PURG: variants seen among roughly 807,000 people sequenced by gnomAD.
PURG encodes purine-rich element-binding protein gamma.
PURG carries 3 observed loss-of-function variants against 24.3 expected under a neutral mutation model. The observed-to-expected ratio is 0.12, with a 90% confidence interval of 0.06 to 0.32. The LOEUF is 0.32. PURG is among the 10% of genes least tolerant of loss of function. The pLI is 1.00. For missense variants in PURG, 371 were observed against 439.1 expected (o/e 0.84, Z 1.39); for synonymous variants, 180 against 173.1 (o/e 1.04, Z -0.31).
At chr8:31,025,175 T>A (rs967299083) in intron 1 of PURG, among the ~76,000 whole-genome samples, 22 of 152,038 alleles carry the variant, frequency 1.4e-4, no homozygotes, top group Middle Eastern at 3.4e-3. Flanking sequence ...CAAAAGAACA[T>A]AAAGTTTGAA....
intron 1 of PURG, among the ~76,000 whole-genome samples, chr8:31,010,414 T>C (rs1159644581): frequency 6.6e-6 from 1 of 152,184 alleles, no homozygotes; most frequent in Non-Finnish European, 1.5e-5. Context: ...TGAGCACCAA[T>C]GAGTTGCTAG....
chr8:30,998,541 C>A (rs1042082703), intron 1 of PURG, among the ~76,000 whole-genome samples: 13 of 151,666 alleles, frequency 8.6e-5, no homozygotes, highest in African/African-American at 2.7e-4. Context: ...AATTAGCATT[C>A]TTTTGTAGTT....
At chr8:31,023,531 T>C (rs890135255) in intron 1 of PURG, among the ~76,000 whole-genome samples, 1 of 147,990 alleles carries the variant, frequency 6.8e-6, no homozygotes, top group African/African-American at 2.5e-5. Context: ...GGCGATAGAG[T>C]GAGACTGCAT....
intron 1 of PURG, among the ~76,000 whole-genome samples, chr8:31,014,833 C>T (rs1265135612): frequency 6.6e-6 from 1 of 152,136 alleles, no homozygotes; most frequent in Non-Finnish European, 1.5e-5. Flanking sequence ...AAATAAAATA[C>T]CAAACCAGCC....
At chr8:31,005,128 CCAAA>C (rs1810616058) in intron 1 of PURG, among the ~76,000 whole-genome samples, 2 of 151,994 alleles carry the variant, frequency 1.3e-5, no homozygotes, top group Admixed American at 1.3e-4. Context: ...GTGAAATAAG[CCAAA>C]CAGAGAAAAA....
chr8:31,003,389 A>ATTT (rs150119956), intron 1 of PURG, among the ~76,000 whole-genome samples: 1 of 150,180 alleles, frequency 6.7e-6, no homozygotes, highest in Non-Finnish European at 1.5e-5. Flanking sequence ...GGGTACCATT[A>ATTT]TTTTTTTTTT....
rs1314218794 is a variant in PURG at position 31,024,759 on chromosome 8, CAAGT to C, written c.864+7156_864+7159del. ...AAAGTAATCCTGACTTTAATCAGAT[CAAGT>C]AAGATAATCAGATTTATACCATTAT... On this transcript the variant is annotated intron_variant, in intron 1 of 1. Coordinates refer to the PURG transcript ENST00000339382. Among the ~76,000 whole-genome samples, 3 of 151,790 alleles carry C rather than the reference CAAGT, an allele frequency of 2.0e-5. 1 individual carries two copies. Among genetic ancestry groups the C allele is most frequent in the South Asian group, 4.2e-4 (2 of 4,806 alleles).
chr8:31,016,787 C>T (rs1460321518), intron 1 of PURG, among the ~76,000 whole-genome samples: 1 of 149,296 alleles, frequency 6.7e-6, no homozygotes, highest in African/African-American at 2.6e-5. Context: ...CACCTGCACA[C>T]TTGTGTTTGA....
Position 31,014,509 on chromosome 8 carries a change from A to G in PURG, c.864+17410T>C, listed in dbSNP as rs144060488. On this transcript the variant is annotated intron_variant, in intron 1 of 1. Transcript: ENST00000339382. ...TCGGGTTGAGTATTTTCTTACTGCC[A>G]AAGATTTTGAAAATAACATTTGAAA... Among the ~76,000 whole-genome samples the G allele has an allele frequency of 1.2e-3, 177 of 152,356 alleles. 1 individual carries two copies. Among genetic ancestry groups the G allele is most frequent in the Admixed American group, 1.9e-3 (29 of 15,310 alleles).
exon 2 of PURG, chr8:30,996,337 T>C (rs922670564): frequency 2.5e-5 from 7 of 278,788 alleles, no homozygotes; most frequent in South Asian, 9.0e-5. Flanking sequence ...GGCTGACAAA[T>C]GGTGGTTTGA....
chr8:31,008,461 G>A (rs914666853), intron 1 of PURG, among the ~76,000 whole-genome samples: 1 of 152,010 alleles, frequency 6.6e-6, no homozygotes, highest in Non-Finnish European at 1.5e-5. Context: ...GTGCCACCAC[G>A]CCTGGTTAAT....
At chr8:31,007,719 C>T (rs767321271) in intron 1 of PURG, among the ~76,000 whole-genome samples, 25 of 152,066 alleles carry the variant, frequency 1.6e-4, no homozygotes, top group African/African-American at 5.1e-4. Flanking sequence ...CCATCAAAAT[C>T]GATGGTAGAT....
At chr8:31,002,428 T>C (rs1057186179) in intron 1 of PURG, among the ~76,000 whole-genome samples, 2 of 152,216 alleles carry the variant, frequency 1.3e-5, no homozygotes, top group Admixed American at 6.5e-5. Context: ...ATTAAACGTT[T>C]TCTTTAAACC....
At chr8:31,026,041 T>C (rs1296806942), downstream of PURG, among the ~76,000 whole-genome samples, 1 of 151,938 alleles carries the variant, frequency 6.6e-6, no homozygotes, top group East Asian at 1.9e-4. Context: ...TAAATGAACA[T>C]TATACCTTTC....
chr8:31,027,311 C>G (rs552701820), downstream of PURG, among the ~76,000 whole-genome samples: 14 of 151,670 alleles, frequency 9.2e-5, no homozygotes, highest in South Asian at 2.9e-3. Flanking sequence ...GGTGACTAAG[C>G]AAACCCCTTA....
At chr8:30,998,419 G>A (rs1316935862) in intron 1 of PURG, among the ~76,000 whole-genome samples, 2 of 151,630 alleles carry the variant, frequency 1.3e-5, no homozygotes, top group African/African-American at 4.8e-5. Flanking sequence ...GCTAGTTCAA[G>A]GTAATAAAGT....
intron 1 of PURG, chr8:30,996,737 GT>G: frequency 6.9e-7 from 1 of 1,441,924 alleles, no homozygotes; most frequent in Non-Finnish European, 9.7e-7. Context: ...CAAACATGAA[GT>G]TTTCAAGGGA....
intron 1 of PURG, among the ~76,000 whole-genome samples, chr8:31,019,779 C>T (rs112416061): frequency 6.6e-6 from 1 of 151,358 alleles, no homozygotes; most frequent in South Asian, 2.1e-4. Flanking sequence ...GATCCACCCG[C>T]CTCGGCCTCC....
At position 31,013,569 on chromosome 8, in the gene PURG, C is replaced by T. The variant is rs552897880; in HGVS notation, c.865-16872G>A. ...CCGGCCAACATGGTGAAACTTCCGTCTCTACTAAAAACACAAAATTAGCCA... is the reference window on the plus strand; with the variant it reads ...CCGGCCAACATGGTGAAACTTCCGTTTCTACTAAAAACACAAAATTAGCCA... On this transcript the variant is annotated intron_variant, in intron 1 of 1. Coordinates refer to the PURG transcript ENST00000339382. Among the ~76,000 whole-genome samples the T allele has an allele frequency of 1.4e-4, 21 of 152,218 alleles. 1 individual carries two copies. Among genetic ancestry groups the T allele is most frequent in the African/African-American group, 3.4e-4 (14 of 41,534 alleles).
Sources: allele counts gnomAD v4.1 joint callset (sites outside exome capture counted in the v4.1 genomes callset), GRCh38; gene constraint gnomAD v4.1.1; transcripts MANE v1.5; gene names NCBI Gene and HGNC (gene_info 2026-07-23, HGNC 2026-07-21).